GRIK4: variants seen among roughly 807,000 people sequenced by gnomAD.
The protein encoded by GRIK4 is glutamate receptor ionotropic, kainate 4.
A neutral mutation model predicts 104.9 loss-of-function variants in GRIK4; 40 were observed. The observed-to-expected ratio is 0.38, with a 90% CI of 0.30 to 0.50. The LOEUF is 0.50. Among genes scored for constraint, GRIK4 ranks in the 20% least tolerant of loss-of-function variants. The probability of loss-of-function intolerance (pLI) is 0.93; values close to 1 mark genes in which losing one functional copy is unlikely to be tolerated. For synonymous variants in GRIK4, 485 were observed against 524.9 expected, an observed-to-expected ratio of 0.92 and a Z score of 1.04; for missense variants, 1,047 against 1,308.1, an observed-to-expected ratio of 0.80 and a Z score of 3.08.
chr11:120,805,970 C>T (rs1275812530), intron 4 of GRIK4, among the ~76,000 whole-genome samples: 2 of 152,204 alleles, frequency 1.3e-5, no homozygotes, highest in Admixed American at 1.3e-4. Context: ...AATCCTGGGT[C>T]TCCCATGTAT....
At chr11:120,667,954 G>A (rs1302704995) in intron 3 of GRIK4, among the ~76,000 whole-genome samples, 2 of 152,124 alleles carry the variant, frequency 1.3e-5, no homozygotes, top group Non-Finnish European at 2.9e-5. Flanking sequence ...AAGGTTCATC[G>A]TGTCTGTAGT....
At chr11:120,925,150 T>C (rs756367457) in intron 13 of GRIK4, among the ~76,000 whole-genome samples, 4 of 152,164 alleles carry the variant, frequency 2.6e-5, no homozygotes, top group African/African-American at 4.8e-5. Flanking sequence ...GGAAGGCCTC[T>C]AGAAGTTCTC....
At chr11:120,982,368 C>T in intron 20 of GRIK4, 144 bp downstream of exon 20, 1 of 651,674 alleles carries the variant, frequency 1.5e-6, no homozygotes, top group Non-Finnish European at 2.8e-6. Flanking sequence ...GGATTTGGAT[C>T]AATGCTTCAT....
At chr11:120,530,129 C>G (rs1418252080) in intron 1 of GRIK4, among the ~76,000 whole-genome samples, 2 of 152,216 alleles carry the variant, frequency 1.3e-5, no homozygotes, top group South Asian at 2.1e-4. Flanking sequence ...CCACAAGGTG[C>G]GGGTGTGGAG....
chr11:120,984,125 T>C lies in GRIK4; in HGVS notation c.2515-1779T>C, dbSNP rs142000624. Among the ~76,000 whole-genome samples, 114 of 152,298 alleles carry C rather than the reference T, an allele frequency of 7.5e-4. 1 individual carries two copies. In the East Asian group the frequency reaches 0.021, roughly 28 times the overall value. On this transcript the variant is annotated intron_variant, in intron 20 of 20. Transcript: ENST00000527524. The stretch of plus-strand genomic sequence containing the variant: ...TATTCTCCCCAAAGCTCACCCATGG[T>C]CTGGAAGTATATTGAAAAATTCAGC...
chr11:120,867,272 T>C (rs1156724591), intron 9 of GRIK4, among the ~76,000 whole-genome samples: 1 of 152,176 alleles, frequency 6.6e-6, no homozygotes, highest in Non-Finnish European at 1.5e-5. Flanking sequence ...TCCTGTCTCT[T>C]TGGGGGCTGA....
chr11:120,815,302 G>C, intron 4 of GRIK4, 76 bp from the exon 5 acceptor site: 1 of 801,394 alleles, frequency 1.2e-6, no homozygotes, highest in Admixed American at 2.2e-5. Context: ...GGGTGAAGAG[G>C]AGAGGACTGG....
intron 3 of GRIK4, among the ~76,000 whole-genome samples, chr11:120,719,851 C>T (rs576452012): frequency 7.9e-5 from 12 of 152,182 alleles, no homozygotes; most frequent in African/African-American, 2.4e-4. Context: ...GCACTTCTAC[C>T]GCAGAGCATT....
chr11:120,643,739 G>T (rs1245876224), intron 1 of GRIK4, among the ~76,000 whole-genome samples: 1 of 152,170 alleles, frequency 6.6e-6, no homozygotes, highest in Non-Finnish European at 1.5e-5. Flanking sequence ...TGCCTCTTAG[G>T]GTTGTTGTAG....
At chr11:120,927,632 C>T (rs1368980173) in intron 13 of GRIK4, among the ~76,000 whole-genome samples, 1 of 149,114 alleles carries the variant, frequency 6.7e-6, no homozygotes, top group African/African-American at 2.5e-5. Flanking sequence ...ATATATTTTT[C>T]TAAGTTCAAA....
At chr11:120,761,350 C>T (rs1951746467) in intron 3 of GRIK4, among the ~76,000 whole-genome samples, 1 of 152,104 alleles carries the variant, frequency 6.6e-6, no homozygotes, top group Non-Finnish European at 1.5e-5. Context: ...GGATATTAGC[C>T]TTTTGTCAGA....
intron 1 of GRIK4, among the ~76,000 whole-genome samples, chr11:120,631,048 CAT>C (rs1240321660): frequency 6.6e-6 from 1 of 152,224 alleles, no homozygotes; most frequent in East Asian, 1.9e-4. Context: ...TCAGTTCTCT[CAT>C]ATGAGAATGG....
At chr11:120,550,781 A>G (rs1239061111) in intron 1 of GRIK4, among the ~76,000 whole-genome samples, 2 of 151,706 alleles carry the variant, frequency 1.3e-5, no homozygotes, top group East Asian at 3.9e-4. Flanking sequence ...GGTGACCTGG[A>G]TAAGAAGCCA....
chr11:120,794,521 G>T (rs1305603644), intron 3 of GRIK4, among the ~76,000 whole-genome samples: 1 of 151,870 alleles, frequency 6.6e-6, no homozygotes, highest in Non-Finnish European at 1.5e-5. Context: ...TGTTAGGTTT[G>T]TCCCGAATCC....
At chr11:120,571,757 A>G (rs1326623699) in intron 1 of GRIK4, among the ~76,000 whole-genome samples, 2 of 151,910 alleles carry the variant, frequency 1.3e-5, no homozygotes, top group African/African-American at 4.8e-5. Flanking sequence ...ACCTTTGCCT[A>G]GACTATGTCT....
intron 9 of GRIK4, among the ~76,000 whole-genome samples, chr11:120,862,889 A>T (rs931449740): frequency 6.6e-6 from 1 of 152,164 alleles, no homozygotes; most frequent in Non-Finnish European, 1.5e-5. Context: ...TTTTATTTTT[A>T]AAAGCCCCAT....
Position 120,952,454 on chromosome 11 carries a change from T to C in GRIK4, c.1591-401T>C, listed in dbSNP as rs1944024047. 6.6e-6 allele frequency among the ~76,000 whole-genome samples: 1 copy of C among 152,108 alleles called. No homozygotes were observed. Among genetic ancestry groups the C allele is most frequent in the Admixed American group, 6.5e-5 (1 of 15,278 alleles). ...CATCCTGGTGAAAAAGATGTGAGTG[T>C]CTAAGAGGGATGCTGTGGTCGAATT... On this transcript the variant is annotated intron_variant, in intron 14 of 20. Transcript: ENST00000527524. This position sits in a 1 kb window ranked among gnomAD's most constrained non-coding sequence, Gnocchi z 5.2.
chr11:120,544,166 G>C lies in GRIK4; in HGVS notation c.-159+32279G>C, dbSNP rs575032486. ...AGACATATGAAAATAGTTATAAAGA[G>C]GGTGAGAGAAACTGTGGGAGCTGAT... is the stretch of plus-strand genomic sequence containing the variant. On this transcript the variant is annotated intron_variant, in intron 1 of 20. Coordinates refer to ENST00000527524, the MANE Select transcript of GRIK4 (RefSeq NM_014619.5). 3.3e-5 allele frequency among the ~76,000 whole-genome samples: 5 copies of C among 152,328 alleles called. No individual in the cohort carries two copies. In the East Asian group the frequency reaches 9.6e-4, roughly 29 times the overall value.
At chr11:120,824,553 C>CTCTCTTT (rs1953207751) in intron 6 of GRIK4, among the ~76,000 whole-genome samples, 1 of 128,894 alleles carries the variant, frequency 7.8e-6, no homozygotes, top group Non-Finnish European at 1.7e-5. Flanking sequence ...TTTTTCTTTT[C>CTCTCTTT]TTTTTTTTTT....
Sources: gnomAD v4.1 joint callset for allele counts (sites outside exome capture counted in the v4.1 genomes callset) on GRCh38, gnomAD v4.1.1 for gene constraint, Gnocchi (gnomAD v3.1) non-coding constraint, MANE v1.5 for transcripts, NCBI Gene and HGNC (gene_info 2026-07-23, HGNC 2026-07-21) for gene names.